Variants in NECAB1 observed in about 807,000 individuals in gnomAD.
The protein encoded by NECAB1 is N-terminal EF-hand calcium binding protein 1.
NECAB1 carries 29 observed loss-of-function variants against 57.5 expected under a neutral mutation model. The observed-to-expected ratio is 0.50, with a 90% CI of 0.38 to 0.69. NECAB1 has a LOEUF of 0.69. NECAB1 is among the 30% of genes least tolerant of loss of function. NECAB1 has a pLI of 0.00. For synonymous variants in NECAB1, 142 were observed against 147.7 expected (o/e 0.96, Z 0.28); for missense variants, 372 against 413.8 (o/e 0.90, Z 0.88).
intron 1 of NECAB1, among the ~76,000 whole-genome samples, chr8:90,793,566 C>T (rs1438465364): frequency 1.3e-5 from 2 of 152,086 alleles, no homozygotes; most frequent in Admixed American, 6.6e-5. Flanking sequence ...CCATAAAGCA[C>T]TTGAGGAGGT....
chr8:90,791,974 A>C lies in NECAB1; in HGVS notation c.88A>C (p.Ile30Leu). The C allele has an allele frequency of 6.4e-7, 1 of 1,552,164 alleles. No individual in the cohort carries two copies. Among genetic ancestry groups the C allele is most frequent in the Non-Finnish European group, 8.7e-7 (1 of 1,147,246 alleles). ...TCTGCACCTGTCCAAGGGCATGTCG[A>C]TCTTCCTCGACGTAAGTACAGATGG... ...SALHLSKGMS[I>L]FLDILRRADK... Residue 30 changes from isoleucine to leucine, a missense_variant, in exon 1 of 13, where the codon ATC (isoleucine) becomes CTC (leucine). Ile to Leu is a conservative substitution (Grantham distance 5). Coordinates refer to ENST00000417640, the MANE Select transcript of NECAB1 (RefSeq NM_022351.5).
At chr8:90,854,413 A>G (rs999637803) in intron 3 of NECAB1, among the ~76,000 whole-genome samples, 6 of 152,202 alleles carry the variant, frequency 3.9e-5, no homozygotes, top group Non-Finnish European at 8.8e-5. Context: ...TTAGAACAAC[A>G]TTTTAAGCCA....
intron 3 of NECAB1, among the ~76,000 whole-genome samples, chr8:90,847,723 C>A (rs1812595491): frequency 6.6e-6 from 1 of 152,258 alleles, no homozygotes; most frequent in Admixed American, 6.5e-5. Context: ...CACATGTAAG[C>A]CACCAAGGCT....
chr8:90,873,249 A>G (rs979286293), intron 4 of NECAB1, among the ~76,000 whole-genome samples: 1 of 152,180 alleles, frequency 6.6e-6, no homozygotes, highest in Non-Finnish European at 1.5e-5. Flanking sequence ...GAAATTCAAG[A>G]TATGTTTATG....
chr8:90,954,281 T>C (rs541012771), intron 12 of NECAB1, among the ~76,000 whole-genome samples: 60 of 152,172 alleles, frequency 3.9e-4, no homozygotes, highest in Non-Finnish European at 6.5e-4. Context: ...TTACCTAAGA[T>C]ACATCTAAAG....
intron 9 of NECAB1, among the ~76,000 whole-genome samples, chr8:90,937,539 T>C (rs1810567362): frequency 6.6e-6 from 1 of 152,168 alleles, no homozygotes; most frequent in Non-Finnish European, 1.5e-5. Flanking sequence ...AACACTCAAG[T>C]GCTAGATCAA....
intron 5 of NECAB1, among the ~76,000 whole-genome samples, chr8:90,907,433 T>G (rs1809716112): frequency 6.6e-6 from 1 of 152,164 alleles, no homozygotes; most frequent in South Asian, 2.1e-4. Flanking sequence ...TGTCTTTCAA[T>G]CCTGATTTCT....
chr8:90,816,367 T>A (rs1003886447), intron 2 of NECAB1, among the ~76,000 whole-genome samples: 1 of 151,890 alleles, frequency 6.6e-6, no homozygotes, highest in African/African-American at 2.4e-5. Flanking sequence ...TTCAATGAAG[T>A]CCAATTTATT....
rs1809099778 is a variant in NECAB1 at position 90,889,531 on chromosome 8, C to T, written c.357+8401C>T. Among the ~76,000 whole-genome samples, 4 of 152,096 alleles carry T rather than the reference C, an allele frequency of 2.6e-5. No individual in the cohort carries two copies. The South Asian group carries it at 8.3e-4, about 32-fold the overall frequency. ...TGGAAGTTTCTGTGGGTCAGGAATC[C>T]AAGGGTGGCTTAAGTGGGTGATTCC... On this transcript the variant is annotated intron_variant, in intron 5 of 12. Coordinates refer to ENST00000417640, the MANE Select transcript of NECAB1 (RefSeq NM_022351.5).
intron 6 of NECAB1, among the ~76,000 whole-genome samples, chr8:90,923,585 G>A (rs1388846485): frequency 6.6e-6 from 1 of 152,172 alleles, no homozygotes; most frequent in East Asian, 1.9e-4. Flanking sequence ...AATGTATGGG[G>A]TCAACCAAAA....
At chr8:90,920,885 T>C (rs560414075) in intron 6 of NECAB1, among the ~76,000 whole-genome samples, 27 of 152,312 alleles carry the variant, frequency 1.8e-4, no homozygotes, top group African/African-American at 6.3e-4. Context: ...AAAGGAATTC[T>C]AGGTGAAAGG....
intron 5 of NECAB1, among the ~76,000 whole-genome samples, chr8:90,897,036 A>G (rs1169398202): frequency 6.6e-6 from 1 of 151,928 alleles, no homozygotes; most frequent in African/African-American, 2.4e-5. Flanking sequence ...TGTTCCTTCT[A>G]TATAGAAGTA....
intron 3 of NECAB1, among the ~76,000 whole-genome samples, chr8:90,868,698 A>C (rs1808563883): frequency 6.6e-6 from 1 of 152,200 alleles, no homozygotes; most frequent in East Asian, 1.9e-4. Context: ...GAACAAAGAG[A>C]TTATCTGAAA....
intron 5 of NECAB1, among the ~76,000 whole-genome samples, chr8:90,909,934 T>C (rs953758346): frequency 3.9e-5 from 6 of 152,146 alleles, no homozygotes; most frequent in African/African-American, 1.4e-4. Flanking sequence ...ATTATCAGTA[T>C]ATTGTATATT....
At chr8:90,796,791 G>A (rs577926101) in intron 1 of NECAB1, among the ~76,000 whole-genome samples, 12 of 152,250 alleles carry the variant, frequency 7.9e-5, no homozygotes, top group South Asian at 4.1e-4. Context: ...TAGTCTGTGG[G>A]ATCAGAGGCA....
chr8:90,869,893 T>A lies in NECAB1; in HGVS notation c.234-2235T>A, dbSNP rs1310033860. 3.9e-5 allele frequency among the ~76,000 whole-genome samples: 6 copies of A among 152,046 alleles called. No homozygotes were observed. In the East Asian group the frequency reaches 1.2e-3, roughly 29 times the overall value. On this transcript the variant is annotated intron_variant, in intron 3 of 12. Coordinates refer to ENST00000417640, the MANE Select transcript of NECAB1 (RefSeq NM_022351.5). The stretch of plus-strand genomic sequence containing the variant: ...GAGGCATAGGGGAGGAATGATATGG[T>A]TTGGCTTTCTGTCTCCACCCAAATC...
intron 2 of NECAB1, among the ~76,000 whole-genome samples, chr8:90,810,044 G>A (rs1404799387): frequency 1.3e-5 from 2 of 152,158 alleles, no homozygotes; most frequent in Non-Finnish European, 2.9e-5. Context: ...CTGAGACATA[G>A]GGAACTCGTC....
intron 3 of NECAB1, among the ~76,000 whole-genome samples, chr8:90,862,177 T>A (rs1229824193): frequency 6.6e-6 from 1 of 152,174 alleles, no homozygotes; most frequent in Non-Finnish European, 1.5e-5. Context: ...AGATATGTTT[T>A]CAAGTAAATC....
intron 4 of NECAB1, among the ~76,000 whole-genome samples, chr8:90,879,052 A>T (rs1296687148): frequency 7.2e-6 from 1 of 138,378 alleles, no homozygotes; most frequent in Non-Finnish European, 1.5e-5. Flanking sequence ...TTATTTATAT[A>T]ATATATATCT....
Sources: gnomAD v4.1 joint callset for allele counts (sites outside exome capture counted in the v4.1 genomes callset) on GRCh38, gnomAD v4.1.1 for gene constraint, MANE v1.5 for transcripts, NCBI Gene and HGNC (gene_info 2026-07-23, HGNC 2026-07-21) for gene names.